Variants in PITPNC1 observed in about 807,000 individuals in gnomAD.
PITPNC1 encodes phosphatidylinositol transfer protein cytoplasmic 1, also known as cytoplasmic phosphatidylinositol transfer protein 1.
Under a neutral mutation model 44.7 loss-of-function variants are expected in PITPNC1, and 18 were observed. The observed-to-expected ratio is 0.40, with a 90% confidence interval of 0.28 to 0.60. PITPNC1 has a LOEUF of 0.60. PITPNC1 is among the 20% of genes least tolerant of loss of function. PITPNC1 has a pLI of 0.39. For synonymous variants in PITPNC1, 141 were observed against 149.6 expected (o/e 0.94, Z 0.42); for missense variants, 290 against 418.4 (o/e 0.69, Z 2.68).
At chr17:67,512,657 C>G (rs951729410) in intron 1 of PITPNC1, among the ~76,000 whole-genome samples, 2 of 152,004 alleles carry the variant, frequency 1.3e-5, no homozygotes, top group Non-Finnish European at 2.9e-5. Flanking sequence ...TTATTAGACT[C>G]TAAACTCCTT....
chr17:67,390,586 C>G (rs1233853253), intron 1 of PITPNC1, among the ~76,000 whole-genome samples: 1 of 152,202 alleles, frequency 6.6e-6, no homozygotes, highest in African/African-American at 2.4e-5. Flanking sequence ...GTTTGTCTGG[C>G]AGATGTCCTT....
intron 1 of PITPNC1, among the ~76,000 whole-genome samples, chr17:67,429,691 C>CT (rs2038825977): frequency 7.8e-6 from 1 of 127,786 alleles, no homozygotes; most frequent in Non-Finnish European, 1.8e-5. Flanking sequence ...GAGCAAAACT[C>CT]TGTTTCAAAA....
chr17:67,407,681 T>C (rs2038419991), intron 1 of PITPNC1, among the ~76,000 whole-genome samples: 1 of 151,714 alleles, frequency 6.6e-6, no homozygotes, highest in Non-Finnish European at 1.5e-5. Context: ...TCCCAGCTAC[T>C]TGGGAGGCTG....
chr17:67,578,084 G>A (rs761845577), intron 4 of PITPNC1, 102 bp from the exon 5 acceptor site: 6 of 787,990 alleles, frequency 7.6e-6, no homozygotes, highest in South Asian at 1.4e-5. Context: ...GTTCCGGGAC[G>A]GTGCTTGCAA....
chr17:67,466,436 A>T (rs976965275), intron 1 of PITPNC1, among the ~76,000 whole-genome samples: 2 of 152,170 alleles, frequency 1.3e-5, no homozygotes, highest in Non-Finnish European at 2.9e-5. Flanking sequence ...AAGGGGGCAG[A>T]TGGGACCCAT....
chr17:67,592,002 C>T (rs2041398682), intron 5 of PITPNC1, among the ~76,000 whole-genome samples: 1 of 151,820 alleles, frequency 6.6e-6, no homozygotes. Flanking sequence ...AGTGAGTCAC[C>T]ACACCCAGCG....
intron 7 of PITPNC1, among the ~76,000 whole-genome samples, chr17:67,672,556 G>A (rs899004742): frequency 8.6e-5 from 13 of 151,486 alleles, no homozygotes; most frequent in Non-Finnish European, 1.3e-4. Flanking sequence ...CCTAGGTCGC[G>A]CCACTGCACT....
At chr17:67,672,601 A>AAATAAT (rs55925253) in intron 7 of PITPNC1, among the ~76,000 whole-genome samples, 10 of 148,350 alleles carry the variant, frequency 6.7e-5, no homozygotes, top group South Asian at 2.2e-4. Flanking sequence ...TCTGTCTCCA[A>AAATAAT]AATAATAATA....
At chr17:67,430,688 G>A (rs929892683) in intron 1 of PITPNC1, among the ~76,000 whole-genome samples, 39 of 149,012 alleles carry the variant, frequency 2.6e-4, no homozygotes, top group Admixed American at 2.5e-3. Flanking sequence ...GCGTGGTGGT[G>A]CACACCTGTC....
At chr17:67,490,112 CTGTGTG>C (rs71354073) in intron 1 of PITPNC1, among the ~76,000 whole-genome samples, 8,945 of 144,842 alleles carry the variant, frequency 0.062, 325 homozygotes, top group Middle Eastern at 0.12. Context: ...ACAGGCTTTT[CTGTGTG>C]TGTGTGTGTG....
intron 6 of PITPNC1, among the ~76,000 whole-genome samples, chr17:67,653,959 G>C (rs1317647895): frequency 6.6e-6 from 1 of 152,170 alleles, no homozygotes; most frequent in Non-Finnish European, 1.5e-5. Flanking sequence ...CCATTGGGAG[G>C]TGGCTGCCCA....
rs567855271 is a variant in PITPNC1, at chr17:67,696,933, A to G, written c.*4045A>G. The G allele has an allele frequency of 6.6e-6, 1 of 152,356 alleles. No homozygotes were observed. Among genetic ancestry groups the G allele is most frequent in the Non-Finnish European group, 1.5e-5 (1 of 68,038 alleles). The allele number at this position is 152,356 out of a possible 1,614,324, so 9.4% of individuals were successfully genotyped here. A position where few individuals can be genotyped will look rare whatever the true frequency, so the allele number is the denominator to read the frequency against. ...TTGCAAGTCTCCCTTCAGTTTCTAT[A>G]TATCACCCAGGAGAGGGTCTCTGAG... On this transcript the variant is annotated 3_prime_UTR_variant, in exon 9 of 9. Coordinates refer to ENST00000581322, the MANE Select transcript of PITPNC1 (RefSeq NM_012417.4).
chr17:67,513,491 A>G (rs7216170), intron 1 of PITPNC1, among the ~76,000 whole-genome samples: 39,493 of 88,754 alleles, frequency 0.44, 6,011 homozygotes, highest in East Asian at 0.53. Flanking sequence ...GTGTGTGTGT[A>G]TATATATATA....
intron 1 of PITPNC1, among the ~76,000 whole-genome samples, chr17:67,497,529 CTTTTTTTTTTTT>C (rs34364657): frequency 1.1e-5 from 1 of 87,506 alleles, no homozygotes; most frequent in South Asian, 4.7e-4. Context: ...TTGTTCGTGT[CTTTTTTTTTTTT>C]TTTTTTTTGA....
intron 2 of PITPNC1, among the ~76,000 whole-genome samples, chr17:67,540,129 A>G (rs1402714536): frequency 1.3e-5 from 2 of 149,520 alleles, no homozygotes; most frequent in South Asian, 2.1e-4. Context: ...TTCGAGATGG[A>G]GTCTTGCTCT....
intron 1 of PITPNC1, among the ~76,000 whole-genome samples, chr17:67,425,193 G>GCGCGCGCGCGCGCGCGCGCACA (rs1160522771): frequency 5.8e-5 from 3 of 52,118 alleles, no homozygotes; most frequent in East Asian, 5.5e-4. Flanking sequence ...TTGTGCGCGC[G>GCGCGCGCGCGCGCGCGCGCACA]CACGCACACG....
At chr17:67,575,119 A>T (rs1483258231) in intron 4 of PITPNC1, among the ~76,000 whole-genome samples, 2 of 151,620 alleles carry the variant, frequency 1.3e-5, no homozygotes, top group Non-Finnish European at 2.9e-5. Flanking sequence ...CCCACGCTCC[A>T]CAACTCTGTA....
In PITPNC1 at chr17:67,605,634, C is replaced by T. The variant is rs986028122; in HGVS notation, c.367-26509C>T. 5.3e-5 allele frequency among the ~76,000 whole-genome samples: 8 copies of T among 152,126 alleles called. No individual in the cohort carries two copies. In the East Asian group the frequency reaches 1.5e-3, roughly 29 times the overall value. ...AAAAGAGTACAGTAAGTCCTTTTAT[C>T]CGTTGTGGGCTGTTCCTGGGAATCA... On this transcript the variant is annotated intron_variant, in intron 5 of 8. Coordinates refer to ENST00000581322, the MANE Select transcript of PITPNC1 (RefSeq NM_012417.4).
intron 5 of PITPNC1, among the ~76,000 whole-genome samples, chr17:67,604,119 G>A (rs1015006996): frequency 2.0e-5 from 3 of 152,118 alleles, no homozygotes; most frequent in Admixed American, 6.5e-5. Context: ...AGGAATTATC[G>A]TGGTAATAAC....
Sources: gnomAD v4.1 joint callset for allele counts (sites outside exome capture counted in the v4.1 genomes callset) on GRCh38, gnomAD v4.1.1 for gene constraint, MANE v1.5 for transcripts, NCBI Gene and HGNC (gene_info 2026-07-23, HGNC 2026-07-21) for gene names.